The following MICALL2 variants were observed in gnomAD, a reference collection of about 807,000 sequenced individuals.
MICALL2 encodes MICAL like 2, also known as MICAL-like protein 2.
MICALL2 carries 111 observed loss-of-function variants against 91.1 expected under a neutral mutation model. The ratio of observed to expected loss-of-function variants is 1.22; its 90% CI spans 1.04 to 1.43. The LOEUF (loss-of-function observed/expected upper bound fraction) is 1.43. Ranked by LOEUF, MICALL2 falls within the 40% of genes most tolerant of loss-of-function variation. The probability of loss-of-function intolerance (pLI) is 0.00; values close to 1 mark genes in which losing one functional copy is unlikely to be tolerated. For missense variants in MICALL2, 1,556 were observed against 1,236.0 expected, an observed-to-expected ratio of 1.26 and a Z score of -3.88; for synonymous variants, 694 against 525.3, an observed-to-expected ratio of 1.32 and a Z score of -4.39.
In MICALL2 at chr7:1,450,541, G is replaced by A. The variant is rs775881185; in HGVS notation, c.144-253C>T. 4.9e-5 allele frequency: 23 copies of A among 469,670 alleles called. 1 individual carries two copies. Among genetic ancestry groups the A allele is most frequent in the South Asian group, 4.5e-4 (19 of 42,150 alleles). 29.1% of individuals were successfully genotyped at this position (469,670 alleles called of 1,614,324 possible). On this transcript the variant is annotated intron_variant, in intron 1 of 16. Transcript: ENST00000297508. ...TTCACCTCCTGTACCCTGACAGGCC[G>A]CCCCTCACCAGTGCTCCTGCCACAG...
chr7:1,439,061 C>T, intron 9 of MICALL2, 66 bp from the exon 10 acceptor site: 1 of 1,288,218 alleles, frequency 7.8e-7, no homozygotes, highest in South Asian at 1.4e-5. Context: ...GGGGTCTGTC[C>T]CAGCACAGCC....
intron 7 of MICALL2, chr7:1,441,911 G>C (rs1050648263): frequency 2.0e-6 from 1 of 498,506 alleles, no homozygotes; most frequent in African/African-American, 2.0e-5. Flanking sequence ...CGAGCTGAGC[G>C]GGACGCTGCA....
chr7:1,438,907 A>T lies in MICALL2; in HGVS notation c.2055T>A (p.Pro685=). ...VCDNWLRPEP[P]GQEARVQSWK... The stretch of plus-strand genomic sequence containing the variant: ...AGCTCTGCACTCGGGCTTCCTGGCC[A>T]GGGGGCTCCGGCCGAAGCCAGTTGT... The change falls in exon 10 of 17, where the codon CCT becomes CCA. Residue 685 remains proline (P), a synonymous_variant. Coordinates refer to ENST00000297508, the MANE Select transcript of MICALL2 (RefSeq NM_182924.4). The T allele has an allele frequency of 6.2e-7, 1 of 1,609,938 alleles. No homozygotes were observed.
At chr7:1,447,181 C>T (rs987947274) in intron 4 of MICALL2, among the ~76,000 whole-genome samples, 1 of 152,156 alleles carries the variant, frequency 6.6e-6, no homozygotes, top group Admixed American at 6.5e-5. Context: ...GGGCTGCCAA[C>T]CACCAGATAT....
intron 5 of MICALL2, among the ~76,000 whole-genome samples, chr7:1,446,111 G>A (rs1039897789): frequency 7.6e-6 from 1 of 131,388 alleles, no homozygotes. Flanking sequence ...GGGAACAGTA[G>A]AACATCTTGG....
rs1779856279 is a variant in MICALL2, at chr7:1,434,453, C to T, written c.*143G>A. 2.7e-6 allele frequency: 2 copies of T among 746,410 alleles called. No homozygotes were observed. The highest frequency in any genetic ancestry group is 2.7e-5 in the East Asian group (1 of 37,524). The allele number at this position is 746,410 out of a possible 1,614,324, so 46.2% of individuals were successfully genotyped here. A position where few individuals can be genotyped will look rare whatever the true frequency, so the allele number is the denominator to read the frequency against. On this transcript the variant is annotated 3_prime_UTR_variant, in exon 17 of 17. Transcript: ENST00000297508. ...CCCCTTGTAGGGACAGGAGGCCCTTCCCGAGTCCAAGTCCGAATGCCGGGT... is the reference window on the plus strand; with the variant it reads ...CCCCTTGTAGGGACAGGAGGCCCTTTCCGAGTCCAAGTCCGAATGCCGGGT...
chr7:1,438,404 G>A (rs766935039), intron 10 of MICALL2, 51 bp from the exon 11 acceptor site: 24 of 1,563,440 alleles, frequency 1.5e-5, no homozygotes, highest in Admixed American at 1.5e-4. Context: ...CAGGCCCAAC[G>A]TGACCAGGAC....
intron 14 of MICALL2, 165 bp downstream of exon 14, chr7:1,437,370 C>T: frequency 1.6e-6 from 1 of 629,972 alleles, no homozygotes; most frequent in Non-Finnish European, 2.7e-6. Flanking sequence ...TGAGGACACA[C>T]AGCCAGGAGG....
chr7:1,449,858 T>G (rs995879808), intron 2 of MICALL2, among the ~76,000 whole-genome samples: 3 of 152,232 alleles, frequency 2.0e-5, no homozygotes, highest in Non-Finnish European at 2.9e-5. Flanking sequence ...AGGTCCCATG[T>G]GGTGGGAGTG....
At chr7:1,434,812 T>G in intron 16 of MICALL2, 140 bp from the exon 17 acceptor site, 1 of 919,750 alleles carries the variant, frequency 1.1e-6, no homozygotes, top group Non-Finnish European at 1.6e-6. Flanking sequence ...CAGGAAGCCC[T>G]GTGCCCTCCC....
At chr7:1,455,362 G>T (rs1780976011) in intron 1 of MICALL2, among the ~76,000 whole-genome samples, 1 of 152,188 alleles carries the variant, frequency 6.6e-6, no homozygotes, top group African/African-American at 2.4e-5. Context: ...CACCAGTATG[G>T]AAACAGCGCC....
chr7:1,455,629 GC>G lies in MICALL2; in HGVS notation c.143+3554del, dbSNP rs574785998. On this transcript the variant is annotated intron_variant, in intron 1 of 16. Coordinates refer to ENST00000297508, the MANE Select transcript of MICALL2 (RefSeq NM_182924.4). ...GGTACACAGGAATGTCCGGATCCCC[GC>G]CCCCTCCACCCGGGGTCGGTGGGGC... Among the ~76,000 whole-genome samples the G allele has an allele frequency of 1.0e-4, 15 of 149,826 alleles. No individual in the cohort carries two copies. The East Asian group carries it at 2.5e-3, about 25-fold the overall frequency.
intron 2 of MICALL2, among the ~76,000 whole-genome samples, chr7:1,449,128 G>C (rs1780726307): frequency 6.6e-6 from 1 of 152,228 alleles, no homozygotes; most frequent in Non-Finnish European, 1.5e-5. Flanking sequence ...CCCTCCCCGG[G>C]GGCCAGAAGG....
intron 14 of MICALL2, 194 bp from the exon 15 acceptor site, chr7:1,437,050 G>A (rs1254479238): frequency 1.2e-5 from 6 of 508,088 alleles, no homozygotes; most frequent in Admixed American, 3.9e-5. Flanking sequence ...CCCGTGTGCT[G>A]GGATCCTTCC....
chr7:1,445,465 C>T, intron 5 of MICALL2, 37 bp from the exon 6 acceptor site: 1 of 1,449,290 alleles, frequency 6.9e-7, no homozygotes, highest in African/African-American at 1.4e-5. Context: ...CAGCTCGGCA[C>T]CGCCCACCCC....
In MICALL2 at chr7:1,440,592, T is replaced by C; in HGVS notation, c.1804A>G (p.Arg602Gly). ...KPVDRRSPAERTLKPKEPRAL... is the reference protein window; with the variant it reads ...KPVDRRSPAEGTLKPKEPRAL... ...GGGCCAGCCCCACCCATCCCTAACC[T>C]CTCAGCTGGGCTTCTCCTGTCCACG... Residue 602 changes from arginine to glycine, a missense_variant and splice_region_variant, in exon 8 of 17, where the codon AGG becomes GGG. Coordinates refer to ENST00000297508, the MANE Select transcript of MICALL2 (RefSeq NM_182924.4). The C allele has an allele frequency of 1.9e-6, 3 of 1,612,492 alleles. 1 individual carries two copies. The Middle Eastern group carries it at 5.0e-4, about 266-fold the overall frequency.
intron 7 of MICALL2, chr7:1,441,729 G>T (rs909447068): frequency 1.8e-4 from 35 of 196,658 alleles, no homozygotes; most frequent in African/African-American, 6.4e-4. Context: ...ACCACAGGGG[G>T]GACGGGGCAT....
chr7:1,435,679 G>A (rs900485502), intron 15 of MICALL2, among the ~76,000 whole-genome samples: 9 of 152,390 alleles, frequency 5.9e-5, no homozygotes, highest in East Asian at 5.8e-4. Context: ...CTCATGAGAC[G>A]AGACAGGAAA....
At chr7:1,439,420 C>T (rs1182103747) in intron 9 of MICALL2, 4 of 217,506 alleles carry the variant, frequency 1.8e-5, no homozygotes, top group Admixed American at 5.6e-5. Flanking sequence ...CACACACATG[C>T]ATCACACAGA....
Sources: gnomAD v4.1 joint callset for allele counts (sites outside exome capture counted in the v4.1 genomes callset) on GRCh38, gnomAD v4.1.1 for gene constraint, MANE v1.5 for transcripts, NCBI Gene and HGNC (gene_info 2026-07-23, HGNC 2026-07-21) for gene names.